The following EYS variants were observed in gnomAD, a reference collection of about 807,000 sequenced individuals.
The protein encoded by EYS is protein eyes shut homolog.
Under a neutral mutation model 282.1 loss-of-function variants are expected in EYS, and 250 were observed. The observed-to-expected ratio is 0.89, with a 90% CI of 0.80 to 0.98. EYS has a LOEUF of 0.98. EYS is among the 50% of genes least tolerant of loss of function. EYS has a pLI of 0.00. For synonymous variants in EYS, 1,355 were observed against 1,282.9 expected, an observed-to-expected ratio of 1.06 and a Z score of -1.20; for missense variants, 4,016 against 3,709.0, an observed-to-expected ratio of 1.08 and a Z score of -2.15.
At position 65,639,766 on chromosome 6, in the gene EYS, T is replaced by C. The variant is rs574912850; in HGVS notation, c.-333+12A>G. 6.6e-6 allele frequency: 1 copy of C among 152,282 alleles called. No individual in the cohort carries two copies. Among genetic ancestry groups the C allele is most frequent in the African/African-American group, 2.4e-5 (1 of 41,562 alleles). The allele number at this position is 152,282 out of a possible 1,614,324, so 9.4% of individuals were successfully genotyped here. A position where few individuals can be genotyped will look rare whatever the true frequency, so the allele number is the denominator to read the frequency against. ...ACAGAACCTGTTTTTTCCTCAGGACTCTTATCCTTACCTCAAGTACACAGG... is the reference window on the plus strand; with the variant it reads ...ACAGAACCTGTTTTTTCCTCAGGACCCTTATCCTTACCTCAAGTACACAGG... On this transcript the variant is annotated intron_variant, in intron 2 of 42. Transcript: ENST00000503581.
At chr6:64,507,385 G>C (rs1335715635) in intron 26 of EYS, among the ~76,000 whole-genome samples, 6 of 152,074 alleles carry the variant, frequency 3.9e-5, no homozygotes, top group Non-Finnish European at 5.9e-5. Context: ...TATATAATCA[G>C]GGTGAAGCAA....
intron 22 of EYS, among the ~76,000 whole-genome samples, chr6:64,782,246 A>G (rs1773885181): frequency 6.6e-6 from 1 of 152,244 alleles, no homozygotes; most frequent in African/African-American, 2.4e-5. Flanking sequence ...AATTCAATGT[A>G]GATTACAAAT....
intron 21 of EYS, among the ~76,000 whole-genome samples, chr6:64,819,348 C>A (rs1764832749): frequency 6.6e-6 from 1 of 151,874 alleles, no homozygotes; most frequent in Non-Finnish European, 1.5e-5. Context: ...TGAAACATGA[C>A]AAAATTTTAA....
chr6:64,321,011 T>C lies in EYS; in HGVS notation c.6079-13929A>G, dbSNP rs569720491. Among the ~76,000 whole-genome samples the C allele has an allele frequency of 2.0e-5, 3 of 151,878 alleles. No individual in the cohort carries two copies. In the South Asian group the frequency reaches 6.2e-4, roughly 31 times the overall value. On this transcript the variant is annotated intron_variant, in intron 29 of 42. Coordinates refer to ENST00000503581, the MANE Select transcript of EYS (RefSeq NM_001142800.2). ...AACCCTTACTATTACCCTGATTCCC[T>C]ACTCAAAAAAATTTTCATACTATTT...
chr6:65,663,616 G>C (rs989126358), intron 1 of EYS, among the ~76,000 whole-genome samples: 2 of 152,136 alleles, frequency 1.3e-5, no homozygotes, highest in African/African-American at 2.4e-5. Flanking sequence ...GTCATGGTTT[G>C]GATCATGGTA....
intron 31 of EYS, among the ~76,000 whole-genome samples, chr6:64,166,861 TAC>T (rs1764305085): frequency 6.6e-6 from 1 of 152,334 alleles, no homozygotes; most frequent in Non-Finnish European, 1.5e-5. Context: ...CTCATAGTTG[TAC>T]AATATTATAC....
At chr6:64,784,613 T>G (rs1773961738) in intron 22 of EYS, among the ~76,000 whole-genome samples, 1 of 152,154 alleles carries the variant, frequency 6.6e-6, no homozygotes, top group Non-Finnish European at 1.5e-5. Flanking sequence ...GAGTAAATTA[T>G]TTCATTCTAG....
chr6:64,476,638 G>A (rs914862843), intron 26 of EYS, among the ~76,000 whole-genome samples: 5 of 151,988 alleles, frequency 3.3e-5, no homozygotes, highest in Admixed American at 2.0e-4. Flanking sequence ...TGCCAATTAT[G>A]TTAGTCATTT....
At chr6:64,166,499 A>G (rs1200869860) in intron 31 of EYS, among the ~76,000 whole-genome samples, 1 of 152,184 alleles carries the variant, frequency 6.6e-6, no homozygotes, top group Non-Finnish European at 1.5e-5. Flanking sequence ...GTCTGTAGAA[A>G]AATTATCTGG....
chr6:64,118,015 T>C (rs896350561), intron 31 of EYS, among the ~76,000 whole-genome samples: 3 of 151,688 alleles, frequency 2.0e-5, no homozygotes, highest in Non-Finnish European at 2.9e-5. Context: ...ATGAAAACTA[T>C]AAAACACTGA....
At chr6:65,008,727 A>G (rs759260590) in intron 13 of EYS, among the ~76,000 whole-genome samples, 1 of 152,180 alleles carries the variant, frequency 6.6e-6, no homozygotes, top group Non-Finnish European at 1.5e-5. Context: ...ATGATCCACC[A>G]GCAGGACTGA....
intron 26 of EYS, among the ~76,000 whole-genome samples, chr6:64,563,284 T>A (rs565854146): frequency 9.9e-4 from 150 of 152,200 alleles, no homozygotes; most frequent in Non-Finnish European, 1.6e-3. Flanking sequence ...CAATATTTTT[T>A]CTCTGATTCA....
chr6:65,638,426 C>T (rs934339880), intron 2 of EYS, among the ~76,000 whole-genome samples: 8 of 152,284 alleles, frequency 5.3e-5, no homozygotes, highest in South Asian at 2.1e-4. Context: ...ATGCTGTGGG[C>T]GATGAAAAGG....
chr6:63,721,907 A>G lies in EYS; in HGVS notation c.8234-110T>C, dbSNP rs1268451521. 7.3e-6 allele frequency: 7 copies of G among 953,906 alleles called. No individual in the cohort carries two copies. The Admixed American group carries it at 2.0e-4, about 27-fold the overall frequency. 59.1% of individuals were successfully genotyped at this position (953,906 alleles called of 1,614,324 possible). The stretch of plus-strand genomic sequence containing the variant: ...AGTTTTAGTTATGGGGAAAAAAGTA[A>G]CAGATCTTGAGCACAATTGTGTTAG... On this transcript the variant is annotated intron_variant, in intron 42 of 42. Coordinates refer to ENST00000503581, the MANE Select transcript of EYS (RefSeq NM_001142800.2).
chr6:65,495,352 T>C lies in EYS; in HGVS notation c.59A>G (p.Asn20Ser), dbSNP rs1214033733. ...CAATTGCCGTCTACATGTTTTTCCA[T>C]TTATGAAAGAGCTGTGAAAAACCAT... ...SLMVFHSSFI[N>S]GKTCRRQLVE... is the part of the protein sequence containing the mutation. Residue 20 changes from asparagine (N) to serine (S), a missense_variant, in exon 4 of 43, where the codon AAT becomes AGT. Physicochemically the swap from Asn to Ser is conservative, Grantham distance 46. Coordinates refer to ENST00000503581, the MANE Select transcript of EYS (RefSeq NM_001142800.2). The C allele has an allele frequency of 6.2e-7, 1 of 1,613,654 alleles. No individual in the cohort carries two copies. Among genetic ancestry groups the C allele is most frequent in the Non-Finnish European group, 8.5e-7 (1 of 1,180,004 alleles).
intron 12 of EYS, among the ~76,000 whole-genome samples, chr6:65,061,162 TA>T (rs1268934404): frequency 2.0e-5 from 3 of 151,972 alleles, no homozygotes; most frequent in African/African-American, 7.2e-5. Flanking sequence ...TACATGTATA[TA>T]ATTTTAGAGC....
chr6:64,191,917 A>G (rs1189114943), intron 31 of EYS, among the ~76,000 whole-genome samples: 1 of 149,292 alleles, frequency 6.7e-6, no homozygotes, highest in Non-Finnish European at 1.5e-5. Flanking sequence ...GACTTCCACA[A>G]TGGTTGAACT....
intron 19 of EYS, among the ~76,000 whole-genome samples, chr6:64,829,362 A>T (rs1483252042): frequency 1.3e-5 from 2 of 151,972 alleles, no homozygotes; most frequent in Non-Finnish European, 2.9e-5. Flanking sequence ...CCTCTGTCCC[A>T]AGAATTAGTT....
intron 29 of EYS, among the ~76,000 whole-genome samples, chr6:64,343,136 A>C (rs987290569): frequency 6.6e-6 from 1 of 152,152 alleles, no homozygotes; most frequent in Admixed American, 6.6e-5. Flanking sequence ...TGTCAACATT[A>C]GACAGATAAA....
Sources: gnomAD v4.1 joint callset for allele counts (sites outside exome capture counted in the v4.1 genomes callset) on GRCh38, gnomAD v4.1.1 for gene constraint, MANE v1.5 for transcripts, NCBI Gene and HGNC (gene_info 2026-07-23, HGNC 2026-07-21) for gene names.